Variants in FGF12 observed in about 807,000 individuals in gnomAD.
The protein encoded by FGF12 is fibroblast growth factor 12.
In FGF12, 14 loss-of-function variants were observed where a neutral mutation model predicts 23.6. The observed-to-expected ratio is 0.59, with a 90% CI of 0.39 to 0.93. The LOEUF (loss-of-function observed/expected upper bound fraction) is 0.93. Among genes scored for constraint, FGF12 ranks in the 40% least tolerant of loss-of-function variants. The pLI is 0.00. For synonymous variants in FGF12, 62 were observed against 77.3 expected, an observed-to-expected ratio of 0.80 and a Z score of 1.04; for missense variants, 175 against 217.8, an observed-to-expected ratio of 0.80 and a Z score of 1.24.
At chr3:192,293,667 C>T (rs1714880934) in intron 4 of FGF12, among the ~76,000 whole-genome samples, 1 of 152,136 alleles carries the variant, frequency 6.6e-6, no homozygotes. Context: ...AGATTCTGTA[C>T]CTTTCAAACG....
chr3:192,469,403 C>T (rs1179635679), intron 2 of FGF12, among the ~76,000 whole-genome samples: 3 of 152,178 alleles, frequency 2.0e-5, no homozygotes, highest in Non-Finnish European at 2.9e-5. Flanking sequence ...TGAATTCCTA[C>T]TAATACCTGT....
chr3:192,518,488 C>T (rs1319122545), intron 2 of FGF12, among the ~76,000 whole-genome samples: 1 of 152,174 alleles, frequency 6.6e-6, no homozygotes, highest in East Asian at 1.9e-4. Context: ...TCTGTTCACT[C>T]TTGGCATCAG....
chr3:192,270,226 A>G (rs181529145), intron 4 of FGF12, among the ~76,000 whole-genome samples: 6 of 152,306 alleles, frequency 3.9e-5, no homozygotes, highest in Non-Finnish European at 8.8e-5. Context: ...ACAACTTCCC[A>G]CAGCTCAATG....
intron 2 of FGF12, among the ~76,000 whole-genome samples, chr3:192,699,580 G>C (rs1242085846): frequency 1.3e-5 from 2 of 152,136 alleles, no homozygotes; most frequent in African/African-American, 2.4e-5. Flanking sequence ...CAACACATCT[G>C]TTCCTCTTCA....
intron 2 of FGF12, among the ~76,000 whole-genome samples, chr3:192,467,543 G>C (rs114347460): frequency 0.1 from 15,626 of 152,052 alleles, 2,564 homozygotes; most frequent in African/African-American, 0.35. Context: ...AGGTTATATG[G>C]AATTACCATA....
intron 2 of FGF12, among the ~76,000 whole-genome samples, chr3:192,657,650 T>C (rs1422415810): frequency 6.6e-6 from 1 of 152,198 alleles, no homozygotes; most frequent in East Asian, 1.9e-4. Context: ...ACTCATGTGG[T>C]CTTAAAATAC....
At chr3:192,157,261 A>T (rs1714478128) in intron 5 of FGF12, among the ~76,000 whole-genome samples, 2 of 152,232 alleles carry the variant, frequency 1.3e-5, no homozygotes, top group Non-Finnish European at 2.9e-5. Flanking sequence ...CTGACCATGT[A>T]GCCATAGAAA....
intron 4 of FGF12, among the ~76,000 whole-genome samples, chr3:192,300,788 G>C (rs1057462091): frequency 6.6e-6 from 1 of 151,930 alleles, no homozygotes; most frequent in Non-Finnish European, 1.5e-5. Context: ...AGGCCAAGGG[G>C]GGCTGAGCAC....
intron 2 of FGF12, among the ~76,000 whole-genome samples, chr3:192,707,715 T>C (rs13070236): frequency 0.73 from 102,046 of 140,686 alleles, 37,918 homozygotes; most frequent in African/African-American, 0.9. Context: ...CACTGCACAC[T>C]AGCCTGACAA....
chr3:192,344,096 G>C (rs1717832651), intron 3 of FGF12, among the ~76,000 whole-genome samples: 1 of 152,110 alleles, frequency 6.6e-6, no homozygotes, highest in African/African-American at 2.4e-5. Context: ...TCCAATAATG[G>C]AACACTAGGC....
intron 2 of FGF12, among the ~76,000 whole-genome samples, chr3:192,655,839 C>T (rs1202950725): frequency 2.0e-5 from 3 of 151,752 alleles, no homozygotes; most frequent in Middle Eastern, 3.4e-3. Flanking sequence ...TTTGCAAACC[C>T]GCATAATGAT....
At chr3:192,632,452 T>C (rs1715426000) in intron 2 of FGF12, among the ~76,000 whole-genome samples, 1 of 152,326 alleles carries the variant, frequency 6.6e-6, no homozygotes, top group Non-Finnish European at 1.5e-5. Flanking sequence ...TTTGTTGACA[T>C]CAAGCTTCAA....
intron 2 of FGF12, among the ~76,000 whole-genome samples, chr3:192,420,281 T>C (rs1469938556): frequency 6.6e-6 from 1 of 151,736 alleles, no homozygotes; most frequent in Non-Finnish European, 1.5e-5. Flanking sequence ...GTTAGGCTCA[T>C]ATTAGAGAGT....
rs1010590532 is a variant in FGF12, at chr3:192,170,028, A to G, written c.427+430T>C. Among the ~76,000 whole-genome samples, 9 of 141,266 alleles carry G rather than the reference A, an allele frequency of 6.4e-5. No individual in the cohort carries two copies. In the Admixed American group the frequency reaches 6.5e-4, roughly 10 times the overall value. 92.7% of individuals were successfully genotyped at this position (141,266 alleles called of 152,430 possible). ...AATTATTAGGTTTAGAAAAGGAGGA[A>G]ACTGCATACTAGATAGTAACTACCA... On this transcript the variant is annotated intron_variant, in intron 5 of 5. Coordinates refer to ENST00000445105, the MANE Select transcript of FGF12 (RefSeq NM_004113.6).
chr3:192,587,973 A>G (rs141626670), intron 2 of FGF12, among the ~76,000 whole-genome samples: 1 of 151,982 alleles, frequency 6.6e-6, no homozygotes, highest in East Asian at 1.9e-4. Flanking sequence ...TAATTTAGTT[A>G]TTTCATCACT....
At chr3:192,659,357 A>G (rs534252115) in intron 2 of FGF12, among the ~76,000 whole-genome samples, 1 of 152,300 alleles carries the variant, frequency 6.6e-6, no homozygotes, top group Admixed American at 6.5e-5. Context: ...CCCAGGAGAA[A>G]TCAGTACTCA....
At chr3:192,647,553 A>C (rs1253324723) in intron 2 of FGF12, among the ~76,000 whole-genome samples, 1 of 151,878 alleles carries the variant, frequency 6.6e-6, no homozygotes, top group Non-Finnish European at 1.5e-5. Context: ...AAGTGGACTT[A>C]TCAATTTTTC....
At chr3:192,649,392 T>A (rs1295400999) in intron 2 of FGF12, among the ~76,000 whole-genome samples, 1 of 152,178 alleles carries the variant, frequency 6.6e-6, no homozygotes, top group African/African-American at 2.4e-5. Context: ...TGACTTCTCC[T>A]TAAGCGTTCT....
At chr3:192,595,047 T>C (rs544378960) in intron 2 of FGF12, among the ~76,000 whole-genome samples, 3 of 152,332 alleles carry the variant, frequency 2.0e-5, no homozygotes, top group African/African-American at 7.2e-5. Flanking sequence ...ATAGAATAAA[T>C]AACTCCATAG....
Sources: allele counts gnomAD v4.1 joint callset (sites outside exome capture counted in the v4.1 genomes callset), GRCh38; gene constraint gnomAD v4.1.1; transcripts MANE v1.5; gene names NCBI Gene and HGNC (gene_info 2026-07-23, HGNC 2026-07-21).